RCOR1: variants seen among roughly 807,000 people sequenced by gnomAD.
RCOR1 encodes the protein REST corepressor 1.
Under a neutral mutation model 64.0 loss-of-function variants are expected in RCOR1, and 12 were observed. That is an observed-to-expected ratio of 0.19 (90% CI 0.12 to 0.30). RCOR1 has a LOEUF of 0.30. Ranked by LOEUF, RCOR1 falls within the 10% of genes least tolerant of loss-of-function variation. The pLI is 1.00. For synonymous variants in RCOR1, 279 were observed against 227.2 expected (o/e 1.23, Z -2.05); for missense variants, 502 against 621.2 (o/e 0.81, Z 2.04).
At chr14:102,674,603 C>CTA (rs1895101140) in intron 2 of RCOR1, among the ~76,000 whole-genome samples, 1 of 152,144 alleles carries the variant, frequency 6.6e-6, no homozygotes, top group African/African-American at 2.4e-5. Context: ...GTCCACTTTA[C>CTA]TATACATTGC....
At chr14:102,649,047 A>G (rs188593511) in intron 2 of RCOR1, among the ~76,000 whole-genome samples, 1 of 148,848 alleles carries the variant, frequency 6.7e-6, no homozygotes, top group East Asian at 2.0e-4. Flanking sequence ...TATACAGAAA[A>G]CCAAACAAGC....
chr14:102,632,916 G>C (rs1055171277), intron 2 of RCOR1, among the ~76,000 whole-genome samples: 1 of 151,148 alleles, frequency 6.6e-6, no homozygotes, highest in African/African-American at 2.4e-5. Flanking sequence ...GGCTCAAGCA[G>C]TTCTCCCACT....
chr14:102,629,357 C>T (rs998165419), intron 2 of RCOR1, among the ~76,000 whole-genome samples: 3 of 151,708 alleles, frequency 2.0e-5, no homozygotes, highest in Non-Finnish European at 4.4e-5. Context: ...CCTTATTTAT[C>T]TTGTTTATTG....
intron 2 of RCOR1, among the ~76,000 whole-genome samples, chr14:102,645,300 A>G (rs1163671408): frequency 1.3e-5 from 2 of 152,186 alleles, no homozygotes; most frequent in Non-Finnish European, 2.9e-5. Context: ...TTAAGAAAGT[A>G]TTACAGTCAC....
At chr14:102,721,722 T>C (rs1318163237) in intron 10 of RCOR1, among the ~76,000 whole-genome samples, 1 of 152,168 alleles carries the variant, frequency 6.6e-6, no homozygotes, top group African/African-American at 2.4e-5. Flanking sequence ...TTTTTTCTTT[T>C]CCTTTCCCAC....
At chr14:102,677,343 C>G (rs1490040594) in intron 2 of RCOR1, among the ~76,000 whole-genome samples, 1 of 139,684 alleles carries the variant, frequency 7.2e-6, no homozygotes. Flanking sequence ...GGGCTGACCC[C>G]CCCCCCACCT....
At chr14:102,711,522 TATC>T (rs770294120) in intron 7 of RCOR1, among the ~76,000 whole-genome samples, 1 of 152,114 alleles carries the variant, frequency 6.6e-6, no homozygotes, top group Non-Finnish European at 1.5e-5. Flanking sequence ...TGTTTCATCT[TATC>T]ATTTTAAAAA....
intron 2 of RCOR1, among the ~76,000 whole-genome samples, chr14:102,593,849 C>T (rs1174453663): frequency 2.0e-5 from 3 of 152,192 alleles, no homozygotes; most frequent in Admixed American, 6.5e-5. Context: ...AAGAACGACC[C>T]CCCAAAACCA....
At chr14:102,657,055 G>A (rs1894742234) in intron 2 of RCOR1, 4 of 979,558 alleles carry the variant, frequency 4.1e-6, no homozygotes, top group Non-Finnish European at 4.8e-6. Flanking sequence ...GATTATAAGC[G>A]TGAATCACTG....
In RCOR1 at chr14:102,593,144, C is replaced by G. The variant is rs1283485324; in HGVS notation, c.258C>G (p.Ser86=). 3 of 1,530,132 alleles carry G rather than the reference C, an allele frequency of 2.0e-6. No individual in the cohort carries two copies. Among genetic ancestry groups the G allele is most frequent in the African/African-American group, 1.4e-5 (1 of 69,426 alleles). The allele number at this position is 1,530,132 out of a possible 1,614,324, so 94.8% of individuals were successfully genotyped here. A position where few individuals can be genotyped will look rare whatever the true frequency, so the allele number is the denominator to read the frequency against. Residue 86 remains serine (S), a synonymous_variant, in exon 1 of 12, where the codon TCC becomes TCG. Transcript: ENST00000262241. ...CCAATGGCAACAGCAGCAGCAACTC[C>G]TGGGAGGAAGGCAGCTCGGGCTCGT... is the stretch of plus-strand genomic sequence containing the variant. ...AAPNGNSSSN[S]WEEGSSGSSS...
chr14:102,662,687 C>G (rs1555464759), intron 2 of RCOR1: 1 of 440,464 alleles, frequency 2.3e-6, no homozygotes, highest in Non-Finnish European at 4.3e-6. Flanking sequence ...GCAGGAGCTT[C>G]CTTCTTTGCT....
At chr14:102,677,022 G>A (rs1453960120) in intron 2 of RCOR1, among the ~76,000 whole-genome samples, 4 of 119,724 alleles carry the variant, frequency 3.3e-5, no homozygotes, top group African/African-American at 7.0e-5. Flanking sequence ...GCGGCCGGCC[G>A]GGCGGGGGGC....
At chr14:102,643,605 C>T (rs779367519) in intron 2 of RCOR1, among the ~76,000 whole-genome samples, 13 of 152,156 alleles carry the variant, frequency 8.5e-5, no homozygotes, top group Non-Finnish European at 1.9e-4. Context: ...TGGCCCTAAG[C>T]TGATGGGCTG....
Position 102,626,926 on chromosome 14 carries a change from A to T in RCOR1, c.361+33601A>T, listed in dbSNP as rs71417809. Among the ~76,000 whole-genome samples, 6 of 152,164 alleles carry T rather than the reference A, an allele frequency of 3.9e-5. 1 individual carries two copies. The highest frequency in any genetic ancestry group is 8.8e-5 in the Non-Finnish European group (6 of 68,040). On this transcript the variant is annotated intron_variant, in intron 2 of 11. Transcript: ENST00000262241. ...TCTTTGCTTGCTTTCCCATAGCTCA[A>T]TGTGGCTGGAGAAACCATACTGATC...
intron 3 of RCOR1, among the ~76,000 whole-genome samples, chr14:102,686,878 T>G (rs12893603): frequency 0.071 from 10,747 of 152,284 alleles, 591 homozygotes; most frequent in African/African-American, 0.15. Context: ...TGATGTCTTC[T>G]GTCGTCTTCT....
intron 2 of RCOR1, among the ~76,000 whole-genome samples, chr14:102,619,989 G>T (rs2139898533): frequency 6.6e-6 from 1 of 152,298 alleles, no homozygotes; most frequent in East Asian, 1.9e-4. Context: ...CTAGGTTGAA[G>T]AATAGAATTA....
chr14:102,698,129 G>GA (rs1895683182), intron 3 of RCOR1, among the ~76,000 whole-genome samples: 2 of 152,234 alleles, frequency 1.3e-5, no homozygotes, highest in Non-Finnish European at 2.9e-5. Flanking sequence ...CAGCATTCGG[G>GA]ATCTACTGTT....
chr14:102,704,400 T>A (rs1189820565), intron 4 of RCOR1, among the ~76,000 whole-genome samples: 1 of 152,256 alleles, frequency 6.6e-6, no homozygotes, highest in East Asian at 1.9e-4. Context: ...ATTGTATGTA[T>A]AAATAATACA....
intron 2 of RCOR1, chr14:102,655,495 A>T: frequency 1.0e-6 from 1 of 979,952 alleles, no homozygotes; most frequent in Non-Finnish European, 1.2e-6. Context: ...TTATAGTCTT[A>T]ATTTTTAAGC....
Sources: allele counts gnomAD v4.1 joint callset (sites outside exome capture counted in the v4.1 genomes callset), GRCh38; gene constraint gnomAD v4.1.1; transcripts MANE v1.5; gene names NCBI Gene and HGNC (gene_info 2026-07-23, HGNC 2026-07-21).